The following TASOR variants were observed in gnomAD, a reference collection of about 807,000 sequenced individuals.
TASOR encodes the protein transcription activation suppressor.
TASOR carries 53 observed loss-of-function variants against 178.6 expected under a neutral mutation model. The observed-to-expected ratio is 0.30, with a 90% CI of 0.24 to 0.37. The LOEUF is 0.37. Among genes scored for constraint, TASOR ranks in the 10% least tolerant of loss-of-function variants. TASOR has a pLI of 1.00. For synonymous variants in TASOR, 713 were observed against 696.2 expected (o/e 1.02, Z -0.38); for missense variants, 1,815 against 1,971.4 (o/e 0.92, Z 1.50).
intron 2 of TASOR, among the ~76,000 whole-genome samples, chr3:56,672,236 T>C (rs962419297): frequency 9.2e-5 from 14 of 152,320 alleles, no homozygotes; most frequent in Middle Eastern, 3.4e-3. Context: ...AAAATAGATA[T>C]GCATTTAAAA....
chr3:56,650,764 C>T (rs887273167), intron 11 of TASOR, among the ~76,000 whole-genome samples: 2 of 152,184 alleles, frequency 1.3e-5, no homozygotes, highest in African/African-American at 4.8e-5. Context: ...ATAGTATTGG[C>T]CCTGCAAGAT....
Position 56,622,031 on chromosome 3 carries a change from G to C in TASOR, c.*1006C>G, listed in dbSNP as rs2076689195. Reference sequence around the variant, plus strand: ...TCTGTCTAACTTATTAACACGTCTAGACCCATAACTCCATAACTTTTACTG... The same window carrying C: ...TCTGTCTAACTTATTAACACGTCTACACCCATAACTCCATAACTTTTACTG... On this transcript the variant is annotated 3_prime_UTR_variant, in exon 24 of 24. Transcript: ENST00000683822. 6.6e-6 allele frequency: 1 copy of C among 152,420 alleles called. No homozygotes were observed. Among genetic ancestry groups the C allele is most frequent in the African/African-American group, 2.4e-5 (1 of 41,434 alleles). The allele number at this position is 152,420 out of a possible 1,614,324, so 9.4% of individuals were successfully genotyped here.
chr3:56,624,964 G>C lies in TASOR; in HGVS notation c.4182C>G (p.Val1394=). ...TTTCAACCAGATGTTTCTTCTGATA[G>C]ACATTCAGAAGCGTCAACAGACTTA... ...KALSLLTLLN[V]YQKKHLVEIL... The change falls in exon 22 of 24, where the codon GTC becomes GTG. Residue 1394 remains valine, a synonymous_variant. Transcript: ENST00000683822. The C allele has an allele frequency of 6.2e-7, 1 of 1,614,148 alleles. No individual in the cohort carries two copies. Among genetic ancestry groups the C allele is most frequent in the Non-Finnish European group, 8.5e-7 (1 of 1,180,006 alleles).
intron 1 of TASOR, among the ~76,000 whole-genome samples, chr3:56,676,129 G>A (rs1023445150): frequency 6.7e-6 from 1 of 149,250 alleles, no homozygotes; most frequent in Non-Finnish European, 1.5e-5. Context: ...GTAACCTATT[G>A]ATTGTAAGCT....
chr3:56,646,202 A>G (rs2077234537), intron 14 of TASOR, among the ~76,000 whole-genome samples: 2 of 152,204 alleles, frequency 1.3e-5, no homozygotes, highest in South Asian at 4.1e-4. Context: ...TTATTATGTC[A>G]TGTTAACCTA....
At position 56,682,207 on chromosome 3, in the gene TASOR, T is replaced by C. The variant is rs535267624; in HGVS notation, c.331+469A>G. Among the ~76,000 whole-genome samples the C allele has an allele frequency of 7.2e-5, 11 of 152,318 alleles. No homozygotes were observed. In the East Asian group the frequency reaches 9.6e-4, roughly 13 times the overall value. On this transcript the variant is annotated intron_variant, in intron 1 of 23. Coordinates refer to ENST00000683822, the MANE Select transcript of TASOR (RefSeq NM_001365635.2). ...ACGCTGACATCAAGCACATTTCAAG[T>C]AGACACACAGAACTGAAGAATTTCC...
At chr3:56,645,079 G>A (rs1223564900) in intron 14 of TASOR, among the ~76,000 whole-genome samples, 6 of 152,120 alleles carry the variant, frequency 3.9e-5, no homozygotes, top group Non-Finnish European at 5.9e-5. Context: ...TTCAAGACCA[G>A]CCTGGCCAAC....
chr3:56,670,323 T>C (rs1008937787), intron 3 of TASOR, among the ~76,000 whole-genome samples, 178 bp from the exon 4 acceptor site: 8 of 152,218 alleles, frequency 5.3e-5, no homozygotes, highest in Admixed American at 3.9e-4. Flanking sequence ...TGACTTACAC[T>C]TCTCAAAGTA....
Position 56,633,063 on chromosome 3 carries a change from A to G in TASOR, c.3728T>C (p.Val1243Ala). 1.3e-6 allele frequency: 2 copies of G among 1,595,148 alleles called. No individual in the cohort carries two copies. The highest frequency in any genetic ancestry group is 1.7e-6 in the Non-Finnish European group (2 of 1,173,386). The change falls in exon 18 of 24, where the codon GTG becomes GCG. Residue 1243 changes from valine (V) to alanine (A), a missense_variant. Physicochemically the swap from Val to Ala is moderately conservative, Grantham distance 64. Around this residue, in one of 5 missense-constraint regions of TASOR, gnomAD observed 655 missense variants for 671.1 expected, o/e 0.98. Transcript: ENST00000683822. ...AGTTACCTTTATTTCTTTACAGAGC[A>G]CACTCTCTTCTTCTTCATGAATATA... ...KFYIHEEEESVLCKEIKEYLI... is the reference protein window; with the variant it reads ...KFYIHEEEESALCKEIKEYLI...
chr3:56,667,116 A>T (rs780618125), intron 6 of TASOR, among the ~76,000 whole-genome samples: 1 of 152,230 alleles, frequency 6.6e-6, no homozygotes, highest in African/African-American at 2.4e-5. Flanking sequence ...AGAAAAGCCA[A>T]TAACTATCTT....
chr3:56,658,954 G>C lies in TASOR; in HGVS notation c.1368+1777C>G, dbSNP rs1313962564. On this transcript the variant is annotated intron_variant, in intron 11 of 23. Transcript: ENST00000683822. Reference sequence around the variant, plus strand: ...AGAGAGTGAGAGAGAGACTGTGTGTGTGTGTGTGTGTGTGTGTGTGTGTGT... The same window carrying C: ...AGAGAGTGAGAGAGAGACTGTGTGTCTGTGTGTGTGTGTGTGTGTGTGTGT... Among the ~76,000 whole-genome samples the C allele has an allele frequency of 9.2e-4, 33 of 35,934 alleles. No homozygotes were observed. In the East Asian group the frequency reaches 0.074, roughly 81 times the overall value. 23.6% of individuals were successfully genotyped at this position (35,934 alleles called of 152,430 possible). A position where few individuals can be genotyped will look rare whatever the true frequency, so the allele number is the denominator to read the frequency against.
In TASOR at chr3:56,623,396, A is replaced by G; in HGVS notation, c.4654T>C (p.Ser1552Pro). Residue 1552 changes from serine (S) to proline (P), a missense_variant, in exon 24 of 24, where the codon TCT becomes CCT. Transcript: ENST00000683822. The part of the protein sequence containing the change: ...KKNTQIELQS[S>P]PDVQNSLLED... Reference sequence around the variant, plus strand: ...AATAAACTGTTTTGCACATCAGGAGACGATTGCAACTCAATTTGAGTATTC... The same window carrying G: ...AATAAACTGTTTTGCACATCAGGAGGCGATTGCAACTCAATTTGAGTATTC... The G allele has an allele frequency of 6.2e-7, 1 of 1,613,666 alleles. No individual in the cohort carries two copies. Among genetic ancestry groups the G allele is most frequent in the Non-Finnish European group, 8.5e-7 (1 of 1,179,956 alleles).
intron 14 of TASOR, among the ~76,000 whole-genome samples, chr3:56,646,020 C>T (rs9845096): frequency 0.32 from 48,108 of 151,758 alleles, 8,059 homozygotes; most frequent in East Asian, 0.49. Flanking sequence ...TGGTGGCAGG[C>T]GCCTGCAGTC....
chr3:56,651,050 C>G (rs1476697053), intron 11 of TASOR, among the ~76,000 whole-genome samples: 1 of 152,120 alleles, frequency 6.6e-6, no homozygotes, highest in Non-Finnish European at 1.5e-5. Context: ...AATTCCACTA[C>G]CAGTAACCTA....
intron 16 of TASOR, among the ~76,000 whole-genome samples, chr3:56,639,603 G>GA (rs1197830520): frequency 6.6e-6 from 1 of 152,218 alleles, no homozygotes; most frequent in Non-Finnish European, 1.5e-5. Context: ...TTGTTACGGT[G>GA]AAGTTTAAAG....
chr3:56,662,633 A>G, intron 8 of TASOR, 143 bp from the exon 9 acceptor site: 1 of 516,516 alleles, frequency 1.9e-6, no homozygotes. Flanking sequence ...TGACTCTTCT[A>G]CACTTCTATT....
Position 56,621,375 on chromosome 3 carries a change from G to A in TASOR, c.*1662C>T, listed in dbSNP as rs1482597417. 2.2e-6 allele frequency: 1 copy of A among 463,320 alleles called. No individual in the cohort carries two copies. 28.7% of individuals were successfully genotyped at this position (463,320 alleles called of 1,614,324 possible). On this transcript the variant is annotated 3_prime_UTR_variant, in exon 24 of 24. Transcript: ENST00000683822. ...AAATGTGATAGCTATATATCCAAAT[G>A]AGGTGGTCTAGTACAAGCATTTCTG...
At chr3:56,635,670 G>A (rs2077002187) in intron 17 of TASOR, among the ~76,000 whole-genome samples, 1 of 152,084 alleles carries the variant, frequency 6.6e-6, no homozygotes, top group Admixed American at 6.5e-5. Flanking sequence ...TAGACATGGG[G>A]CCTCACTATG....
chr3:56,645,453 TAAG>T (rs1306877410), intron 14 of TASOR, among the ~76,000 whole-genome samples: 1 of 152,160 alleles, frequency 6.6e-6, no homozygotes, highest in East Asian at 1.9e-4. Context: ...ATAAAAAGCA[TAAG>T]AATATTCAGT....
Sources: gnomAD v4.1 joint callset for allele counts (sites outside exome capture counted in the v4.1 genomes callset) on GRCh38, gnomAD v4.1.1 for gene constraint, gnomAD v4.1.1 regional missense constraint, MANE v1.5 for transcripts, NCBI Gene and HGNC (gene_info 2026-07-23, HGNC 2026-07-21) for gene names.